Variants in CTNNBL1 observed in about 807,000 individuals in gnomAD.
CTNNBL1 encodes catenin beta like 1.
Under a neutral mutation model 72.7 loss-of-function variants are expected in CTNNBL1, and 31 were observed. The observed-to-expected ratio is 0.43, with a 90% CI of 0.32 to 0.58. The LOEUF (loss-of-function observed/expected upper bound fraction) is 0.58. Ranked by LOEUF, CTNNBL1 falls within the 20% of genes least tolerant of loss-of-function variation. CTNNBL1 has a pLI of 0.08. For missense variants in CTNNBL1, 534 were observed against 725.1 expected, an observed-to-expected ratio of 0.74 and a Z score of 3.03; for synonymous variants, 240 against 267.3, an observed-to-expected ratio of 0.90 and a Z score of 1.00.
intron 1 of CTNNBL1, among the ~76,000 whole-genome samples, chr20:37,705,122 C>A (rs2072874391): frequency 6.6e-6 from 1 of 152,214 alleles, no homozygotes; most frequent in South Asian, 2.1e-4. Context: ...TAATGTTTAG[C>A]TTAGTGCATG....
At chr20:37,749,652 T>C (rs2122630937) in intron 4 of CTNNBL1, among the ~76,000 whole-genome samples, 1 of 152,342 alleles carries the variant, frequency 6.6e-6, no homozygotes, top group South Asian at 2.1e-4. Context: ...TTTGAAATTT[T>C]TTAAATTACC....
intron 10 of CTNNBL1, among the ~76,000 whole-genome samples, chr20:37,801,953 G>T (rs761689402): frequency 6.6e-6 from 1 of 152,192 alleles, no homozygotes; most frequent in Non-Finnish European, 1.5e-5. Context: ...AAATCCTAAG[G>T]AATCTACTAA....
intron 11 of CTNNBL1, among the ~76,000 whole-genome samples, chr20:37,831,317 T>A (rs574089852): frequency 1.1e-3 from 160 of 152,226 alleles, no homozygotes; most frequent in African/African-American, 3.4e-3. Flanking sequence ...TGCATGCCAG[T>A]TAATTGTGTA....
chr20:37,707,168 G>A (rs2072892567), intron 1 of CTNNBL1, among the ~76,000 whole-genome samples: 1 of 152,186 alleles, frequency 6.6e-6, no homozygotes. Context: ...ATTTCAAAAT[G>A]CTAAATGAGC....
intron 15 of CTNNBL1, among the ~76,000 whole-genome samples, chr20:37,867,497 A>T (rs537889770): frequency 6.6e-6 from 1 of 152,100 alleles, no homozygotes; most frequent in African/African-American, 2.4e-5. Flanking sequence ...TTTAATATTT[A>T]TGCGTTCAGC....
intron 11 of CTNNBL1, among the ~76,000 whole-genome samples, chr20:37,827,782 G>C (rs7273171): frequency 6.6e-6 from 1 of 152,116 alleles, no homozygotes; most frequent in Admixed American, 6.5e-5. Context: ...TTTGTGGAAC[G>C]TAGACCTGGT....
intron 3 of CTNNBL1, among the ~76,000 whole-genome samples, chr20:37,742,252 TGTATTGTCCTCTTTTAA>T (rs2073223019): frequency 2.6e-5 from 4 of 152,200 alleles, no homozygotes; most frequent in Admixed American, 2.6e-4. Context: ...AGCATAACTC[TGTATTGTCCTCTTTTAA>T]GTACCCTAAA....
At chr20:37,830,467 A>G (rs2072198489) in intron 11 of CTNNBL1, among the ~76,000 whole-genome samples, 1 of 152,176 alleles carries the variant, frequency 6.6e-6, no homozygotes, top group Non-Finnish European at 1.5e-5. Context: ...AAACTTCAAC[A>G]GAGGTTCCAG....
rs1312364699 is a variant in CTNNBL1 at position 37,774,088 on chromosome 20, GT to G, written c.751-3251del. Among the ~76,000 whole-genome samples, 34 of 151,464 alleles carry G rather than the reference GT, an allele frequency of 2.2e-4. No individual in the cohort carries two copies. The East Asian group carries it at 2.7e-3, about 12-fold the overall frequency. The stretch of plus-strand genomic sequence containing the variant: ...CCACCACACCCAGCTAATGTTTGTA[GT>G]TTTTTGTAGAGATGAGGTCTCACTA... On this transcript the variant is annotated intron_variant, in intron 7 of 15. Transcript: ENST00000361383.
intron 10 of CTNNBL1, among the ~76,000 whole-genome samples, chr20:37,800,228 C>T (rs181176398): frequency 3.3e-5 from 5 of 152,318 alleles, no homozygotes; most frequent in Admixed American, 3.3e-4. Flanking sequence ...AGTCACCTCT[C>T]TCCAGCTGTT....
At chr20:37,764,686 T>C (rs1357310505) in intron 5 of CTNNBL1, among the ~76,000 whole-genome samples, 2 of 152,248 alleles carry the variant, frequency 1.3e-5, no homozygotes, top group African/African-American at 4.8e-5. Context: ...TCATAAGTAG[T>C]AGTTTCATAA....
intron 13 of CTNNBL1, among the ~76,000 whole-genome samples, chr20:37,844,441 A>G (rs150259041): frequency 0.013 from 2,052 of 152,188 alleles, 43 homozygotes; most frequent in African/African-American, 0.044. Context: ...ATTTTTGGAC[A>G]ATGGAATGAA....
At chr20:37,752,033 A>T (rs1484258729) in intron 4 of CTNNBL1, among the ~76,000 whole-genome samples, 1 of 152,258 alleles carries the variant, frequency 6.6e-6, no homozygotes, top group African/African-American at 2.4e-5. Flanking sequence ...CAAAATGGCA[A>T]TGTAGAAGAA....
At chr20:37,820,428 C>T (rs943913664) in intron 11 of CTNNBL1, among the ~76,000 whole-genome samples, 1 of 152,144 alleles carries the variant, frequency 6.6e-6, no homozygotes, top group African/African-American at 2.4e-5. Flanking sequence ...TATTGGAATT[C>T]TTGCCACTCT....
chr20:37,735,474 T>G (rs1357645086), intron 2 of CTNNBL1, among the ~76,000 whole-genome samples: 1 of 152,250 alleles, frequency 6.6e-6, no homozygotes, highest in African/African-American at 2.4e-5. Context: ...TAGAATTAGC[T>G]GGACTTGATG....
rs1456024555 is a variant in CTNNBL1 at position 37,694,078 on chromosome 20, T to A, written c.-45T>A. 4 of 1,594,574 alleles carry A rather than the reference T, an allele frequency of 2.5e-6. No homozygotes were observed. The Admixed American group carries it at 5.3e-5, about 21-fold the overall frequency. ...AGCCGCGGCTGACGGGCCCGCGGTCTGGGCGTGAGTGCAGGGAAGTGGAGT... is the reference window on the plus strand; with the variant it reads ...AGCCGCGGCTGACGGGCCCGCGGTCAGGGCGTGAGTGCAGGGAAGTGGAGT... On this transcript the variant is annotated 5_prime_UTR_variant, in exon 1 of 16. Coordinates refer to ENST00000361383, the MANE Select transcript of CTNNBL1 (RefSeq NM_030877.5).
chr20:37,743,032 G>A (rs757754613), intron 3 of CTNNBL1, among the ~76,000 whole-genome samples: 4 of 151,990 alleles, frequency 2.6e-5, no homozygotes, highest in Non-Finnish European at 5.9e-5. Context: ...TCAAACTCCC[G>A]ACCTCAAGTG....
intron 11 of CTNNBL1, among the ~76,000 whole-genome samples, chr20:37,805,151 T>C (rs1252582933): frequency 2.0e-5 from 3 of 152,248 alleles, no homozygotes; most frequent in African/African-American, 7.2e-5. Flanking sequence ...CTTTGTCCTG[T>C]CCTCTGGGTA....
rs1236417064 is a variant in CTNNBL1, at chr20:37,779,241, C to A, written c.937C>A (p.Leu313Met). Residue 313 changes from leucine to methionine, a missense_variant, in exon 10 of 16, where the codon CTG (leucine) becomes ATG (methionine). By Grantham distance (15) the Leu-to-Met change is conservative. Coordinates refer to ENST00000361383, the MANE Select transcript of CTNNBL1 (RefSeq NM_030877.5). ...TAEEQEMMEN[L>M]FDSLCSCLML... is the part of the protein sequence containing the mutation. Reference sequence around the variant, plus strand: ...TGAGGAGCAGGAGATGATGGAGAATCTGTTTGATTCCCTCTGCTCCTGTCT... The same window carrying A: ...TGAGGAGCAGGAGATGATGGAGAATATGTTTGATTCCCTCTGCTCCTGTCT... The A allele has an allele frequency of 6.2e-7, 1 of 1,613,630 alleles. No individual in the cohort carries two copies. The highest frequency in any genetic ancestry group is 8.5e-7 in the Non-Finnish European group (1 of 1,179,730).
Sources: gnomAD v4.1 joint callset for allele counts (sites outside exome capture counted in the v4.1 genomes callset) on GRCh38, gnomAD v4.1.1 for gene constraint, MANE v1.5 for transcripts, NCBI Gene and HGNC (gene_info 2026-07-23, HGNC 2026-07-21) for gene names.